The following DCAF1 variants were observed in gnomAD, a reference collection of about 807,000 sequenced individuals.
DCAF1 encodes the protein DDB1 and CUL4 associated factor 1.
In DCAF1, 15 loss-of-function variants were observed where a neutral mutation model predicts 128.0. The observed-to-expected ratio is 0.12, with a 90% CI of 0.08 to 0.18. DCAF1 has a LOEUF of 0.18. DCAF1 is among the 10% of genes least tolerant of loss of function. The pLI is 1.00. For synonymous variants in DCAF1, 610 were observed against 603.0 expected (o/e 1.01, Z -0.17); for missense variants, 988 against 1,649.5 (o/e 0.60, Z 6.95).
intron 6 of DCAF1, among the ~76,000 whole-genome samples, chr3:51,455,219 G>A (rs1029375855): frequency 2.6e-5 from 4 of 152,098 alleles, no homozygotes; most frequent in African/African-American, 7.2e-5. Flanking sequence ...ATACCACGAA[G>A]AATAGGAAAG....
chr3:51,404,790 G>A (rs1336635230), intron 23 of DCAF1, among the ~76,000 whole-genome samples: 1 of 152,214 alleles, frequency 6.6e-6, no homozygotes, highest in Non-Finnish European at 1.5e-5. Context: ...TAGAAGGCCT[G>A]AGACTATTCC....
intron 23 of DCAF1, among the ~76,000 whole-genome samples, chr3:51,403,953 C>T (rs374615657): frequency 6.6e-6 from 1 of 152,172 alleles, no homozygotes; most frequent in Non-Finnish European, 1.5e-5. Context: ...AGAACACTAA[C>T]AGAAACCCAT....
chr3:51,473,978 ATT>A (rs112740721), intron 3 of DCAF1, among the ~76,000 whole-genome samples: 2 of 145,234 alleles, frequency 1.4e-5, no homozygotes, highest in Admixed American at 6.8e-5. Context: ...TCATTTTTGT[ATT>A]TTTTTTTTTG....
rs556883362 is a variant in DCAF1, at chr3:51,418,726, G to A, written c.3387C>T (p.Ala1129=). The A allele has an allele frequency of 3.5e-5, 57 of 1,613,888 alleles. 1 individual carries two copies. In the South Asian group the frequency reaches 6.1e-4, roughly 17 times the overall value. ...LYNVFSGQEE[A]SYNCHNSAIT... ...TGGCTGAGTTGTGACAGTTATAGCT[G>A]GCCTCCTCCTGTCCACTAAACACAT... Residue 1129 remains alanine, a synonymous_variant, in exon 16 of 25, where the codon GCC becomes GCT. Transcript: ENST00000684031.
At chr3:51,454,888 T>C (rs764612494) in intron 6 of DCAF1, among the ~76,000 whole-genome samples, 2 of 151,314 alleles carry the variant, frequency 1.3e-5, no homozygotes, top group Admixed American at 6.6e-5. Context: ...TTAGCCAGGA[T>C]GGTCTCGATC....
chr3:51,472,257 G>A (rs1553648659), intron 3 of DCAF1, among the ~76,000 whole-genome samples: 3 of 152,094 alleles, frequency 2.0e-5, no homozygotes. Flanking sequence ...CTGTTTCAGG[G>A]TTACAGTGCT....
At chr3:51,409,793 G>C (rs1553627829) in intron 23 of DCAF1, among the ~76,000 whole-genome samples, 2 of 152,244 alleles carry the variant, frequency 1.3e-5, no homozygotes, top group African/African-American at 4.8e-5. Context: ...ACTGAAGTGA[G>C]AATAAAAGAA....
At position 51,420,546 on chromosome 3, in the gene DCAF1, A is replaced by G. The variant is rs1219390187; in HGVS notation, c.2424T>C (p.Tyr808=). The G allele has an allele frequency of 6.2e-7, 1 of 1,613,874 alleles. No individual in the cohort carries two copies. Among genetic ancestry groups the G allele is most frequent in the Non-Finnish European group, 8.5e-7 (1 of 1,179,904 alleles). ...ACACCCGTTCAATGAGTTCAGCAGCATACTTGCAGAACTTGACATGGTCAC... is the reference window on the plus strand; with the variant it reads ...ACACCCGTTCAATGAGTTCAGCAGCGTACTTGCAGAACTTGACATGGTCAC... ...KRSDHVKFCK[Y]AAELIERVSG... The change falls in exon 15 of 25, where the codon TAT becomes TAC. Residue 808 remains tyrosine, a synonymous_variant. Coordinates refer to ENST00000684031, the MANE Select transcript of DCAF1 (RefSeq NM_001387579.1). The surrounding 1 kb of genome is among the most constrained non-coding windows in gnomAD (Gnocchi z 6.5).
At chr3:51,429,491 G>A (rs1700184417) in intron 11 of DCAF1, 21 bp from the exon 12 acceptor site, 1 of 776,076 alleles carries the variant, frequency 1.3e-6, no homozygotes, top group African/African-American at 1.7e-5. Context: ...GCAAAATATT[G>A]GGGCAAAAGA....
At chr3:51,438,129 ATT>A in intron 9 of DCAF1, 3 of 393,278 alleles carry the variant, frequency 7.6e-6, no homozygotes, top group Non-Finnish European at 1.5e-5. Context: ...GTGGTTATGC[ATT>A]TTTTTTTAAC....
chr3:51,402,226 G>A (rs1031132376), intron 24 of DCAF1, among the ~76,000 whole-genome samples: 2 of 152,170 alleles, frequency 1.3e-5, no homozygotes, highest in Non-Finnish European at 2.9e-5. Context: ...CCCCTTGGCT[G>A]TTAGGAGGGA....
intron 16 of DCAF1, 127 bp from the exon 17 acceptor site, chr3:51,418,325 C>A: frequency 6.8e-7 from 1 of 1,465,922 alleles, no homozygotes. Context: ...TTTTATAATC[C>A]CCAGAAACCA....
At chr3:51,417,117 T>C (rs140081045) in intron 17 of DCAF1, among the ~76,000 whole-genome samples, 109 of 152,214 alleles carry the variant, frequency 7.2e-4, no homozygotes, top group African/African-American at 2.5e-3. Flanking sequence ...ACATGTGCCT[T>C]TGAAACACGC....
chr3:51,452,909 G>A (rs1702501461), intron 6 of DCAF1, among the ~76,000 whole-genome samples: 1 of 151,912 alleles, frequency 6.6e-6, no homozygotes, highest in Non-Finnish European at 1.5e-5. Context: ...CAGCTACTCA[G>A]GAAGTTGAGG....
intron 2 of DCAF1, among the ~76,000 whole-genome samples, chr3:51,485,902 T>A (rs1187429828): frequency 2.0e-5 from 3 of 151,508 alleles, no homozygotes; most frequent in Non-Finnish European, 2.9e-5. Flanking sequence ...TTTTTTTTTT[T>A]TTTTTTTTGA....
intron 3 of DCAF1, among the ~76,000 whole-genome samples, chr3:51,474,894 C>T (rs1229287975): frequency 2.7e-5 from 4 of 150,716 alleles, no homozygotes; most frequent in Admixed American, 2.0e-4. Context: ...AAGCAGTTCT[C>T]CTACCTCAAC....
chr3:51,451,973 G>C (rs1702401262), intron 6 of DCAF1, among the ~76,000 whole-genome samples: 1 of 151,924 alleles, frequency 6.6e-6, no homozygotes, highest in Admixed American at 6.6e-5. Flanking sequence ...TGTATGGACT[G>C]GGTTTCAAGG....
At chr3:51,488,089 T>C (rs1375243383) in intron 2 of DCAF1, among the ~76,000 whole-genome samples, 1 of 151,890 alleles carries the variant, frequency 6.6e-6, no homozygotes, top group African/African-American at 2.4e-5. Context: ...GGTCTTGAAC[T>C]CCTGACCTCA....
chr3:51,403,365 C>T lies in DCAF1; in HGVS notation c.4243G>A (p.Asp1415Asn). 1 of 1,553,176 alleles carries T rather than the reference C, an allele frequency of 6.4e-7. No homozygotes were observed. The change falls in exon 24 of 25, where the codon GAT (aspartate) becomes AAT (asparagine). Residue 1415 changes from aspartate to asparagine, a missense_variant. By Grantham distance (23) the Asp-to-Asn change is conservative (BLOSUM62 1). This residue lies in a region of DCAF1 where 97 missense variants were observed against 134.5 expected (regional missense o/e 0.72). Coordinates refer to ENST00000684031, the MANE Select transcript of DCAF1 (RefSeq NM_001387579.1). ...TCATCGGTGTCATCATCATCTTCATCATCATCTTCTTCCTCCTGTTCTTCC... is the reference window on the plus strand; with the variant it reads ...TCATCGGTGTCATCATCATCTTCATTATCATCTTCTTCCTCCTGTTCTTCC... ...EEEEQEEEDD[D>N]EDDDDTDDLD...
Sources: allele counts gnomAD v4.1 joint callset (sites outside exome capture counted in the v4.1 genomes callset), GRCh38; gene constraint gnomAD v4.1.1; regional missense constraint gnomAD v4.1.1; non-coding constraint Gnocchi (gnomAD v3.1); transcripts MANE v1.5; gene names NCBI Gene and HGNC (gene_info 2026-07-23, HGNC 2026-07-21).